The following ADARB2 variants were observed in gnomAD, a reference collection of about 807,000 sequenced individuals.
ADARB2 encodes adenosine deaminase RNA specific B2 (inactive).
A neutral mutation model predicts 62.2 loss-of-function variants in ADARB2; 25 were observed. That is an observed-to-expected ratio of 0.40 (90% CI 0.29 to 0.56). The LOEUF (loss-of-function observed/expected upper bound fraction) is 0.56. ADARB2 is among the 20% of genes least tolerant of loss of function. The pLI is 0.43. For missense variants in ADARB2, 1,071 were observed against 1,077.4 expected (o/e 0.99, Z 0.08); for synonymous variants, 572 against 500.8 (o/e 1.14, Z -1.90).
intron 1 of ADARB2, among the ~76,000 whole-genome samples, chr10:1,570,919 A>G (rs903892952): frequency 6.6e-6 from 1 of 152,132 alleles, no homozygotes; most frequent in Non-Finnish European, 1.5e-5. Context: ...TGCTGCTCCA[A>G]TCATCTGAGA....
At chr10:1,267,387 T>G (rs1313166443) in intron 4 of ADARB2, among the ~76,000 whole-genome samples, 2 of 152,202 alleles carry the variant, frequency 1.3e-5, no homozygotes, top group Admixed American at 6.5e-5. Flanking sequence ...AGATGATGCT[T>G]CTTGAGGAAG....
At chr10:1,407,675 A>G (rs1035058272) in intron 1 of ADARB2, among the ~76,000 whole-genome samples, 1 of 152,202 alleles carries the variant, frequency 6.6e-6, no homozygotes, top group African/African-American at 2.4e-5. Context: ...GCTTCTGAGA[A>G]TTCAAGATCC....
At position 1,489,775 on chromosome 10, in the gene ADARB2, T is replaced by C. The variant is rs536503968; in HGVS notation, c.101-110615A>G. ...TAAGGAAGAAGAGACTCCAACACAA[T>C]TGTATACAAGAAATGCTGGATGAGG... On this transcript the variant is annotated intron_variant, in intron 1 of 9. Coordinates refer to ENST00000381312, the MANE Select transcript of ADARB2 (RefSeq NM_018702.4). Among the ~76,000 whole-genome samples, 5 of 152,260 alleles carry C rather than the reference T, an allele frequency of 3.3e-5. No individual in the cohort carries two copies. In the East Asian group the frequency reaches 9.6e-4, roughly 29 times the overall value.
At chr10:1,463,573 T>C (rs978668127) in intron 1 of ADARB2, among the ~76,000 whole-genome samples, 4 of 152,214 alleles carry the variant, frequency 2.6e-5, no homozygotes, top group African/African-American at 9.7e-5. Context: ...TTCTAGTGTG[T>C]ACAACAAACA....
rs1564212261 is a variant in ADARB2 at position 1,180,461 on chromosome 10, C to T, written c.*2732G>A. 6.5e-6 allele frequency: 1 copy of T among 152,712 alleles called. No individual in the cohort carries two copies. Among genetic ancestry groups the T allele is most frequent in the African/African-American group, 2.4e-5 (1 of 41,462 alleles). 9.5% of individuals were successfully genotyped at this position (152,712 alleles called of 1,614,324 possible). A position where few individuals can be genotyped will look rare whatever the true frequency, so the allele number is the denominator to read the frequency against. On this transcript the variant is annotated 3_prime_UTR_variant, in exon 10 of 10. Coordinates refer to ENST00000381312, the MANE Select transcript of ADARB2 (RefSeq NM_018702.4). ...CCTGGGGCTGTGGGAATCCTGGGACCTGGCCCCTTCGGGCACTCCTGGCAC... is the reference window on the plus strand; with the variant it reads ...CCTGGGGCTGTGGGAATCCTGGGACTTGGCCCCTTCGGGCACTCCTGGCAC...
chr10:1,693,341 T>C (rs1834696734), intron 1 of ADARB2, among the ~76,000 whole-genome samples: 1 of 152,130 alleles, frequency 6.6e-6, no homozygotes, highest in Non-Finnish European at 1.5e-5. Flanking sequence ...ACTAGGCTGT[T>C]GTGTGATGGT....
intron 2 of ADARB2, among the ~76,000 whole-genome samples, chr10:1,377,812 G>A (rs1012428064): frequency 1.1e-4 from 16 of 152,086 alleles, no homozygotes; most frequent in Non-Finnish European, 2.9e-5. Context: ...ATTGACCTTC[G>A]CTCTGGTCCT....
intron 1 of ADARB2, among the ~76,000 whole-genome samples, chr10:1,615,835 G>A (rs139431593): frequency 6.6e-6 from 1 of 152,320 alleles, no homozygotes; most frequent in Non-Finnish European, 1.5e-5. Flanking sequence ...TCGGAAAGTG[G>A]GTGCTCCTAC....
At chr10:1,206,765 A>G (rs930135898) in intron 7 of ADARB2, among the ~76,000 whole-genome samples, 1 of 152,076 alleles carries the variant, frequency 6.6e-6, no homozygotes, top group Non-Finnish European at 1.5e-5. Flanking sequence ...TGAGCATCCC[A>G]GGTCCCCACT....
intron 1 of ADARB2, among the ~76,000 whole-genome samples, chr10:1,382,069 T>A (rs781010530): frequency 1.3e-5 from 2 of 152,250 alleles, no homozygotes. Context: ...CGTTACCCAA[T>A]GTATATATCA....
At chr10:1,320,597 C>T (rs1337530952) in intron 3 of ADARB2, among the ~76,000 whole-genome samples, 3 of 152,186 alleles carry the variant, frequency 2.0e-5, no homozygotes, top group Non-Finnish European at 4.4e-5. Flanking sequence ...TAACAACTAT[C>T]TGCAAAGTGA....
chr10:1,726,628 C>T (rs1269262519), intron 1 of ADARB2, among the ~76,000 whole-genome samples: 2 of 152,086 alleles, frequency 1.3e-5, no homozygotes, highest in Non-Finnish European at 1.5e-5. Context: ...TCAGAGTCCT[C>T]GGTTTCCCCA....
intron 1 of ADARB2, chr10:1,678,442 C>CATAA: frequency 1.5e-6 from 1 of 675,134 alleles, no homozygotes; most frequent in Non-Finnish European, 1.8e-6. Flanking sequence ...AGGACAGTAA[C>CATAA]GAACACAGGG....
chr10:1,655,230 A>G (rs370547861), intron 1 of ADARB2, among the ~76,000 whole-genome samples: 11 of 152,212 alleles, frequency 7.2e-5, no homozygotes, highest in Admixed American at 2.0e-4. Flanking sequence ...TGTCCTGGAC[A>G]ATAAGGCACT....
intron 1 of ADARB2, among the ~76,000 whole-genome samples, chr10:1,544,206 G>A (rs1015398624): frequency 5.9e-5 from 9 of 152,182 alleles, no homozygotes; most frequent in Non-Finnish European, 1.2e-4. Context: ...GGTCTGGGAG[G>A]GCAGTGGGAT....
intron 1 of ADARB2, among the ~76,000 whole-genome samples, chr10:1,596,930 G>T (rs1445078463): frequency 1.3e-5 from 2 of 152,158 alleles, no homozygotes; most frequent in Non-Finnish European, 2.9e-5. Flanking sequence ...GGGCAAAAGG[G>T]AATGGGGGGG....
chr10:1,267,745 G>A (rs1004770205), intron 4 of ADARB2, among the ~76,000 whole-genome samples: 8 of 152,210 alleles, frequency 5.3e-5, no homozygotes, highest in Non-Finnish European at 8.8e-5. Context: ...GGGTGGAGGC[G>A]GAGCCTCTGC....
At position 1,286,215 on chromosome 10, in the gene ADARB2, C is replaced by T. The variant is rs141119028; in HGVS notation, c.1078-15146G>A. 3.7e-3 allele frequency among the ~76,000 whole-genome samples: 557 copies of T among 152,252 alleles called. 2 individuals carry two copies. The highest frequency in any genetic ancestry group is 6.4e-3 in the South Asian group (31 of 4,822). On this transcript the variant is annotated intron_variant, in intron 3 of 9. Coordinates refer to ENST00000381312, the MANE Select transcript of ADARB2 (RefSeq NM_018702.4). ...AAGCCCCCTCTCAAACAACACACCC[C>T]GTCTAGACCCGGGAAGTAGGAGAAA...
intron 3 of ADARB2, among the ~76,000 whole-genome samples, chr10:1,338,136 A>G (rs191828971): frequency 6.6e-6 from 1 of 152,372 alleles, no homozygotes; most frequent in East Asian, 1.9e-4. Context: ...GAAGAACTAC[A>G]TTGCCCAAAC....
Sources: gnomAD v4.1 joint callset for allele counts (sites outside exome capture counted in the v4.1 genomes callset) on GRCh38, gnomAD v4.1.1 for gene constraint, MANE v1.5 for transcripts, NCBI Gene and HGNC (gene_info 2026-07-23, HGNC 2026-07-21) for gene names.